ADAMTSL1: variants seen among roughly 807,000 people sequenced by gnomAD.
The protein encoded by ADAMTSL1 is ADAMTS like 1.
Under a neutral mutation model 201.8 loss-of-function variants are expected in ADAMTSL1, and 126 were observed. That is an observed-to-expected ratio of 0.62 (90% CI 0.54 to 0.72). The LOEUF (loss-of-function observed/expected upper bound fraction) is 0.72. ADAMTSL1 is among the 30% of genes least tolerant of loss of function. The pLI, the probability that ADAMTSL1 is intolerant of heterozygous loss-of-function variation, is 0.00. For missense variants in ADAMTSL1, 2,679 were observed against 2,277.8 expected, an observed-to-expected ratio of 1.18 and a Z score of -3.59; for synonymous variants, 1,121 against 903.4, an observed-to-expected ratio of 1.24 and a Z score of -4.32.
At chr9:18,260,461 C>G (rs1389659829) in intron 2 of ADAMTSL1, among the ~76,000 whole-genome samples, 1 of 152,254 alleles carries the variant, frequency 6.6e-6, no homozygotes, top group Non-Finnish European at 1.5e-5. Flanking sequence ...GGAGAAGGCT[C>G]TCTCCAATCC....
chr9:18,890,765 TG>T (rs1199610580), intron 25 of ADAMTSL1: 2 of 350,250 alleles, frequency 5.7e-6, no homozygotes, highest in Non-Finnish European at 1.1e-5. Flanking sequence ...AACGTATATT[TG>T]GAAATAAAAG....
intron 1 of ADAMTSL1, among the ~76,000 whole-genome samples, chr9:18,012,811 A>G (rs1563948472): frequency 1.3e-5 from 2 of 151,998 alleles, no homozygotes; most frequent in Non-Finnish European, 2.9e-5. Context: ...CTCCTTAAAT[A>G]TTCTGTGCCT....
intron 15 of ADAMTSL1, among the ~76,000 whole-genome samples, chr9:18,735,308 G>A (rs574174716): frequency 6.6e-6 from 1 of 152,188 alleles, no homozygotes. Context: ...AATGTTTTGC[G>A]AAGTTTTCTG....
chr9:18,768,607 T>A lies in ADAMTSL1; in HGVS notation c.2218-1995T>A, dbSNP rs528507437. ...CTTTTTCCTAGGGGACTCAATTATT[T>A]TTTTAAATTTGAAATGAAAAAAATA... On this transcript the variant is annotated intron_variant, in intron 16 of 28. Transcript: ENST00000380548. Among the ~76,000 whole-genome samples, 3 of 152,144 alleles carry A rather than the reference T, an allele frequency of 2.0e-5. No individual in the cohort carries two copies. In the South Asian group the frequency reaches 6.2e-4, roughly 32 times the overall value.
chr9:18,479,701 G>C (rs574823825), intron 1 of ADAMTSL1, among the ~76,000 whole-genome samples: 2 of 152,136 alleles, frequency 1.3e-5, no homozygotes, highest in Non-Finnish European at 2.9e-5. Flanking sequence ...GACAGCAGAA[G>C]GTGTGACTTG....
At chr9:18,299,322 C>T (rs192047307) in intron 2 of ADAMTSL1, among the ~76,000 whole-genome samples, 471 of 152,262 alleles carry the variant, frequency 3.1e-3, no homozygotes, top group African/African-American at 9.7e-3. Flanking sequence ...CTACATATAT[C>T]TTCTCCATTG....
chr9:18,109,348 A>G (rs1564005305), intron 1 of ADAMTSL1, among the ~76,000 whole-genome samples: 1 of 152,128 alleles, frequency 6.6e-6, no homozygotes, highest in East Asian at 1.9e-4. Flanking sequence ...CAGGTCATCC[A>G]GGAAGAGTTT....
intron 1 of ADAMTSL1, among the ~76,000 whole-genome samples, chr9:18,079,633 G>A (rs570404020): frequency 8.1e-4 from 122 of 151,524 alleles, no homozygotes; most frequent in South Asian, 1.5e-3. Flanking sequence ...AGTGAGCCGA[G>A]ATCGCACCAC....
At chr9:18,614,374 G>A (rs1361898094) in intron 4 of ADAMTSL1, among the ~76,000 whole-genome samples, 4 of 152,122 alleles carry the variant, frequency 2.6e-5, no homozygotes, top group African/African-American at 9.7e-5. Context: ...ATTCAGCCTA[G>A]ACTTCAACTC....
intron 5 of ADAMTSL1, among the ~76,000 whole-genome samples, chr9:18,628,803 T>C (rs1399188572): frequency 6.6e-6 from 1 of 152,224 alleles, no homozygotes; most frequent in Non-Finnish European, 1.5e-5. Context: ...ATATACTTTA[T>C]ATGATTTACA....
At chr9:18,472,457 T>A (rs1344490040), upstream of ADAMTSL1, among the ~76,000 whole-genome samples, 1 of 152,222 alleles carries the variant, frequency 6.6e-6, no homozygotes, top group Middle Eastern at 3.2e-3. Context: ...TAGGTCCACA[T>A]ACTTAATATT....
At chr9:18,370,226 G>C (rs1377054885) in intron 2 of ADAMTSL1, among the ~76,000 whole-genome samples, 1 of 151,680 alleles carries the variant, frequency 6.6e-6, no homozygotes, top group Admixed American at 6.6e-5. Flanking sequence ...GTTGCAGTGA[G>C]CTGAGATCAC....
At chr9:18,779,758 C>A (rs376035301) in intron 19 of ADAMTSL1, among the ~76,000 whole-genome samples, 2 of 152,136 alleles carry the variant, frequency 1.3e-5, no homozygotes, top group African/African-American at 4.8e-5. Flanking sequence ...GTGTGTGGAC[C>A]CAGGGTGATG....
chr9:17,946,984 T>A (rs1364515471), intron 1 of ADAMTSL1, among the ~76,000 whole-genome samples: 1 of 152,062 alleles, frequency 6.6e-6, no homozygotes, highest in Non-Finnish European at 1.5e-5. Flanking sequence ...TACAAAATAG[T>A]TCTACAAGTT....
chr9:18,707,632 A>T (rs909180030), intron 14 of ADAMTSL1, among the ~76,000 whole-genome samples: 1 of 152,250 alleles, frequency 6.6e-6, no homozygotes, highest in Non-Finnish European at 1.5e-5. Context: ...GTTCAAGATC[A>T]TACAGCTGGT....
intron 20 of ADAMTSL1, among the ~76,000 whole-genome samples, chr9:18,811,760 A>G (rs1823520805): frequency 6.6e-6 from 1 of 152,260 alleles, no homozygotes; most frequent in South Asian, 2.1e-4. Context: ...TACCCAGTGC[A>G]GTAATGGAAG....
intron 2 of ADAMTSL1, among the ~76,000 whole-genome samples, chr9:18,337,720 C>G (rs1835302163): frequency 6.6e-6 from 1 of 152,124 alleles, no homozygotes; most frequent in Non-Finnish European, 1.5e-5. Context: ...AATTAATGAA[C>G]AAGTTTTTGT....
intron 2 of ADAMTSL1, among the ~76,000 whole-genome samples, chr9:18,462,539 C>T (rs1011667336): frequency 6.6e-6 from 1 of 151,854 alleles, no homozygotes; most frequent in African/African-American, 2.4e-5. Flanking sequence ...GCAAGAAAAC[C>T]AATGACAGAA....
chr9:18,463,082 C>T (rs1177292851), intron 2 of ADAMTSL1, among the ~76,000 whole-genome samples: 2 of 152,138 alleles, frequency 1.3e-5, no homozygotes, highest in Non-Finnish European at 2.9e-5. Flanking sequence ...CAAATCCAAT[C>T]GACATATTTG....
Sources: allele counts gnomAD v4.1 joint callset (sites outside exome capture counted in the v4.1 genomes callset), GRCh38; gene constraint gnomAD v4.1.1; transcripts MANE v1.5; gene names NCBI Gene and HGNC (gene_info 2026-07-23, HGNC 2026-07-21).